The following RUFY4 variants were observed in gnomAD, a reference collection of about 807,000 sequenced individuals.
The protein encoded by RUFY4 is RUN and FYVE domain containing 4, also known as RUN and FYVE domain-containing protein 4.
In RUFY4, 73 loss-of-function variants were observed where a neutral mutation model predicts 69.0. The observed-to-expected ratio is 1.06, with a 90% CI of 0.88 to 1.29. The LOEUF (loss-of-function observed/expected upper bound fraction) is 1.29. Ranked by LOEUF, RUFY4 falls within the 50% of genes most tolerant of loss-of-function variation. The probability of loss-of-function intolerance (pLI) is 0.00; values close to 1 mark genes in which losing one functional copy is unlikely to be tolerated. For synonymous variants in RUFY4, 287 were observed against 271.8 expected, an observed-to-expected ratio of 1.06 and a Z score of -0.55; for missense variants, 770 against 705.6, an observed-to-expected ratio of 1.09 and a Z score of -1.03.
intron 9 of RUFY4, among the ~76,000 whole-genome samples, chr2:218,085,345 A>G (rs918718950): frequency 8.5e-5 from 13 of 152,210 alleles, no homozygotes; most frequent in African/African-American, 2.9e-4. Context: ...ATACGACCCT[A>G]AGCAAAAAAC....
chr2:218,061,472 C>T (rs1050372556), intron 3 of RUFY4: 5 of 175,964 alleles, frequency 2.8e-5, no homozygotes, highest in Non-Finnish European at 6.1e-5. Context: ...GCACAATAAA[C>T]CTTACCCAGA....
intron 3 of RUFY4, chr2:218,060,957 A>G (rs1689172397): frequency 1.2e-6 from 1 of 841,244 alleles, no homozygotes; most frequent in African/African-American, 1.7e-5. Context: ...CTGCTGGGTC[A>G]GTGTGCGTGT....
At chr2:218,042,992 A>C (rs1688735158) in intron 2 of RUFY4, among the ~76,000 whole-genome samples, 1 of 152,236 alleles carries the variant, frequency 6.6e-6, no homozygotes, top group South Asian at 2.1e-4. Context: ...CTCTGTGGCC[A>C]GTGGTGCCTT....
At chr2:218,060,164 G>C in intron 3 of RUFY4, 1 of 527,596 alleles carries the variant, frequency 1.9e-6, no homozygotes, top group Non-Finnish European at 3.3e-6. Flanking sequence ...TACCAGGGCA[G>C]GCTTTCTAAA....
Position 218,073,536 on chromosome 2 carries a change from T to C in RUFY4, c.530+150T>C, listed in dbSNP as rs1689547915. The C allele has an allele frequency of 2.3e-5, 27 of 1,150,836 alleles. No individual in the cohort carries two copies. The South Asian group carries it at 2.9e-4, about 12-fold the overall frequency. The allele number at this position is 1,150,836 out of a possible 1,614,324, so 71.3% of individuals were successfully genotyped here. The stretch of plus-strand genomic sequence containing the variant: ...GCCTTTGGATTCTTCTAGCCCTCGA[T>C]GCTCCCAGTGCAAATTCATGGCATA... On this transcript the variant is annotated intron_variant, in intron 5 of 10. Coordinates refer to ENST00000344321, the Ensembl canonical transcript of RUFY4.
intron 9 of RUFY4, among the ~76,000 whole-genome samples, chr2:218,087,412 T>C (rs1252825308): frequency 6.6e-6 from 1 of 152,006 alleles, no homozygotes; most frequent in Non-Finnish European, 1.5e-5. Flanking sequence ...AGTTAGAAGG[T>C]GGAGGAAAGA....
At chr2:218,060,858 T>C (rs1292223326) in intron 3 of RUFY4, 1 of 1,482,726 alleles carries the variant, frequency 6.7e-7, no homozygotes, top group Non-Finnish European at 9.4e-7. Context: ...ATTGGATGGG[T>C]AGAAGGTCCT....
chr2:218,065,469 C>G (rs1689301095), upstream of RUFY4: 1 of 152,556 alleles, frequency 6.6e-6, no homozygotes. Flanking sequence ...GCTTTGAACC[C>G]TAACCTTGCC....
At chr2:218,071,685 G>T (rs769381165) in intron 2 of RUFY4, among the ~76,000 whole-genome samples, 2 of 152,086 alleles carry the variant, frequency 1.3e-5, no homozygotes, top group Non-Finnish European at 2.9e-5. Context: ...TTTCTCCGTA[G>T]CAGTCATCAC....
intron 2 of RUFY4, among the ~76,000 whole-genome samples, chr2:218,051,179 A>C (rs1350504188): frequency 6.6e-6 from 1 of 152,216 alleles, no homozygotes; most frequent in Non-Finnish European, 1.5e-5. Context: ...ATAAGATAAA[A>C]TGCTGAAACA....
chr2:218,087,783 C>G (rs1689928137), intron 9 of RUFY4, among the ~76,000 whole-genome samples: 1 of 152,038 alleles, frequency 6.6e-6, no homozygotes, highest in Non-Finnish European at 1.5e-5. Flanking sequence ...TAGCCAAGAT[C>G]ATGCCACAGC....
At chr2:218,061,389 T>G in intron 3 of RUFY4, 1 of 216,040 alleles carries the variant, frequency 4.6e-6, no homozygotes. Context: ...CCACATGTAA[T>G]TTTCCCAGCC....
At chr2:218,089,399 G>T in intron 10 of RUFY4, 37 bp downstream of exon 12, 2 of 1,578,612 alleles carry the variant, frequency 1.3e-6, no homozygotes, top group Non-Finnish European at 1.7e-6. Context: ...CTCTGGGACA[G>T]CCCAGTTTCC....
intron 2 of RUFY4, among the ~76,000 whole-genome samples, chr2:218,044,840 A>T (rs183185474): frequency 6.6e-6 from 1 of 152,246 alleles, no homozygotes; most frequent in East Asian, 1.9e-4. Context: ...CCAGTCTACC[A>T]TTGATGGGAA....
intron 9 of RUFY4, among the ~76,000 whole-genome samples, chr2:218,085,173 CA>C (rs1356484820): frequency 3.9e-5 from 6 of 152,066 alleles, no homozygotes; most frequent in Admixed American, 2.0e-4. Context: ...GTAGCAGGAT[CA>C]AAAAGGGAAA....
exon 4 of RUFY4, chr2:218,072,821 T>A: frequency 6.5e-7 from 1 of 1,536,392 alleles, no homozygotes; most frequent in Non-Finnish European, 8.7e-7. Flanking sequence ...CATCCGCTTC[T>A]GCCTGGCCCG....
intron 3 of RUFY4, chr2:218,060,239 A>G (rs2106037116): frequency 8.7e-7 from 1 of 1,148,778 alleles, no homozygotes; most frequent in South Asian, 1.8e-5. Context: ...TGGGGGCTGC[A>G]CTGACACTGA....
chr2:218,052,379 T>C (rs1403548024), intron 2 of RUFY4, among the ~76,000 whole-genome samples: 1 of 152,222 alleles, frequency 6.6e-6, no homozygotes, highest in Non-Finnish European at 1.5e-5. Context: ...AAACCATGCA[T>C]TCCGTTGCCC....
intron 2 of RUFY4, among the ~76,000 whole-genome samples, chr2:218,041,060 T>C (rs554325460): frequency 6.6e-6 from 1 of 152,064 alleles, no homozygotes; most frequent in Non-Finnish European, 1.5e-5. Flanking sequence ...ACACTTCCTT[T>C]CTTTGTACAA....
Sources: gnomAD v4.1 joint callset for allele counts (sites outside exome capture counted in the v4.1 genomes callset) on GRCh38, gnomAD v4.1.1 for gene constraint, MANE v1.5 for transcripts, NCBI Gene and HGNC (gene_info 2026-07-23, HGNC 2026-07-21) for gene names.